CHRNA3: variants seen among roughly 807,000 people sequenced by gnomAD.
The protein encoded by CHRNA3 is cholinergic receptor nicotinic alpha 3 subunit, also known as neuronal acetylcholine receptor subunit alpha-3.
CHRNA3 carries 34 observed loss-of-function variants against 41.9 expected under a neutral mutation model. The ratio of observed to expected loss-of-function variants is 0.81; its 90% confidence interval spans 0.62 to 1.08. CHRNA3 has a LOEUF of 1.08. CHRNA3 is among the 50% of genes least tolerant of loss of function. The probability of loss-of-function intolerance (pLI) is 0.00; values close to 1 mark genes in which losing one functional copy is unlikely to be tolerated. For synonymous variants in CHRNA3, 281 were observed against 265.2 expected (o/e 1.06, Z -0.58); for missense variants, 542 against 638.3 (o/e 0.85, Z 1.63).
At chr15:78,601,162 T>C (rs1381564695) in intron 5 of CHRNA3, 91 bp downstream of exon 5, 2 of 1,351,914 alleles carry the variant, frequency 1.5e-6, no homozygotes, top group African/African-American at 2.9e-5. Context: ...GGCAATTTCT[T>C]AACCCCCTAC....
At chr15:78,615,668 C>T (rs8042494) in intron 4 of CHRNA3, among the ~76,000 whole-genome samples, 43,604 of 151,030 alleles carry the variant, frequency 0.29, 7,023 homozygotes, top group Admixed American at 0.47. Flanking sequence ...TTTTGGATAA[C>T]GTAATACATA....
chr15:78,619,294 G>A (rs758282209), intron 1 of CHRNA3: 2 of 241,258 alleles, frequency 8.3e-6, no homozygotes, highest in Admixed American at 1.0e-4. Flanking sequence ...CACCTCAAAG[G>A]GTTGTTGTGA....
intron 3 of CHRNA3, 78 bp downstream of exon 3, chr15:78,618,539 A>AG: frequency 6.5e-7 from 1 of 1,531,820 alleles, no homozygotes; most frequent in Non-Finnish European, 9.0e-7. Flanking sequence ...CCTGGTCTTT[A>AG]GGCCTTTCTT....
chr15:78,618,873 A>T lies in CHRNA3; in HGVS notation c.125T>A (p.Leu42Gln). 1 of 1,614,016 alleles carries T rather than the reference A, an allele frequency of 6.2e-7. No homozygotes were observed. The highest frequency in any genetic ancestry group is 8.5e-7 in the Non-Finnish European group (1 of 1,180,014). The stretch of plus-strand genomic sequence containing the variant: ...GATGATCTCATTGTAATCTTCAAAC[A>T]GCCGCTCAAATAGACGGTGCTCAGC... ...SEAEHRLFER[L>Q]FEDYNEIIRP... Residue 42 changes from leucine (L) to glutamine (Q), a missense_variant, in exon 2 of 6, where the codon CTG becomes CAG. Leu to Gln is a moderately radical substitution (Grantham distance 113). Transcript: ENST00000326828.
intron 4 of CHRNA3, among the ~76,000 whole-genome samples, chr15:78,609,652 A>G (rs1172983554): frequency 6.6e-6 from 1 of 152,242 alleles, no homozygotes; most frequent in Non-Finnish European, 1.5e-5. Flanking sequence ...CATCAAGGCT[A>G]GGAAGAAACT....
chr15:78,617,167 G>A (rs368426380), intron 3 of CHRNA3, 34 bp from the exon 4 acceptor site: 29 of 1,448,916 alleles, frequency 2.0e-5, no homozygotes, highest in Middle Eastern at 3.5e-4. Flanking sequence ...AGAAGGAGAC[G>A]GTAAAAGAAT....
chr15:78,594,878 G>A (rs934633362), downstream of CHRNA3: 24 of 152,186 alleles, frequency 1.6e-4, no homozygotes, highest in African/African-American at 3.4e-4. Context: ...CTAGTACAGC[G>A]TAAATGATTT....
chr15:78,613,280 T>C (rs575362462), intron 4 of CHRNA3, among the ~76,000 whole-genome samples: 5,147 of 152,092 alleles, frequency 0.034, 290 homozygotes, highest in African/African-American at 0.12. Flanking sequence ...CGTATGTTTA[T>C]TGCGGCATTA....
chr15:78,601,304 T>C lies in CHRNA3; in HGVS notation c.1338A>G (p.Gln446=), dbSNP rs753654483. The C allele has an allele frequency of 5.0e-6, 8 of 1,614,208 alleles. No individual in the cohort carries two copies. The highest frequency in any genetic ancestry group is 3.3e-5 in the Admixed American group (2 of 60,036). The part of the protein sequence containing the change: ...ALSPEIKEAI[Q]SVKYIAENMK... ...TATTTTCAGCAATATACTTGACACT[T>C]TGGATGGCTTCTTTGATTTCTGGTG... Residue 446 remains glutamine, a synonymous_variant, in exon 5 of 6, where the codon CAA becomes CAG. Coordinates refer to ENST00000326828, the MANE Select transcript of CHRNA3 (RefSeq NM_000743.5).
intron 4 of CHRNA3, among the ~76,000 whole-genome samples, chr15:78,612,254 G>A (rs1212561684): frequency 5.3e-5 from 8 of 150,522 alleles, no homozygotes; most frequent in African/African-American, 1.7e-4. Flanking sequence ...AGCCCGCATC[G>A]CCAAGTCAAT....
At position 78,620,707 on chromosome 15, in the gene CHRNA3, G is replaced by A. The variant is rs780262892; in HGVS notation, c.82+6C>T. ...CCCTCCGGAGCCCTAACGCCTGTGC[G>A]CGTACCTGGCAGCAGAGACAGCAGC... On this transcript the variant is annotated splice_donor_region_variant and intron_variant, in intron 1 of 5. Transcript: ENST00000326828. The A allele has an allele frequency of 4.0e-6, 6 of 1,502,296 alleles. No homozygotes were observed. Among genetic ancestry groups the A allele is most frequent in the South Asian group, 1.2e-5 (1 of 81,642 alleles). 93.1% of individuals were successfully genotyped at this position (1,502,296 alleles called of 1,614,324 possible). A position where few individuals can be genotyped will look rare whatever the true frequency, so the allele number is the denominator to read the frequency against.
rs188467132 is a variant in CHRNA3 at position 78,602,369 on chromosome 15, C to A, written c.378-105G>T. 199 of 1,277,832 alleles carry A rather than the reference C, an allele frequency of 1.6e-4. 1 individual carries two copies. The Middle Eastern group carries it at 2.4e-3, about 15-fold the overall frequency. The allele number at this position is 1,277,832 out of a possible 1,614,324, so 79.2% of individuals were successfully genotyped here. On this transcript the variant is annotated intron_variant, in intron 4 of 5. Coordinates refer to ENST00000326828, the MANE Select transcript of CHRNA3 (RefSeq NM_000743.5). ...ACAGTAAGTAATGATTTGGAAGGCA[C>A]TGGAAGATGAGAGCTAAAGTGCCAT...
At chr15:78,605,238 A>T (rs1217461429) in intron 4 of CHRNA3, among the ~76,000 whole-genome samples, 2 of 152,138 alleles carry the variant, frequency 1.3e-5, no homozygotes, top group African/African-American at 4.8e-5. Flanking sequence ...ATGGGTTTTT[A>T]AAATCTCTCT....
intron 4 of CHRNA3, among the ~76,000 whole-genome samples, chr15:78,605,340 G>A (rs558111436): frequency 4.5e-4 from 68 of 152,312 alleles, no homozygotes; most frequent in Non-Finnish European, 7.9e-4. Flanking sequence ...CAGCACCTCA[G>A]GATATGAGAG....
Position 78,601,738 on chromosome 15 carries a change from G to A in CHRNA3, c.904C>T (p.Pro302Ser). Reference sequence around the variant, plus strand: ...AACAGGAGGTACTCTCCAATCAGGGGGATGACCAGCGAGGTGGAAGGGATG... The same window carrying A: ...AACAGGAGGTACTCTCCAATCAGGGAGATGACCAGCGAGGTGGAAGGGATG... ...ETIPSTSLVI[P>S]LIGEYLLFTM... Residue 302 changes from proline (P) to serine (S), a missense_variant, in exon 5 of 6, where the codon CCC (proline) becomes TCC (serine). By Grantham distance (74) the Pro-to-Ser change is moderately conservative. Coordinates refer to ENST00000326828, the MANE Select transcript of CHRNA3 (RefSeq NM_000743.5). The A allele has an allele frequency of 6.2e-7, 1 of 1,614,154 alleles. No individual in the cohort carries two copies. The highest frequency in any genetic ancestry group is 8.5e-7 in the Non-Finnish European group (1 of 1,180,036).
In CHRNA3 at chr15:78,595,726, G is replaced by A. The variant is rs1197264329; in HGVS notation, c.*878C>T. ...AAATGTGTCCTCCCCCAATTCATAT[G>A]TTGAAACCTATTCCCAGCGTGATTG... On this transcript the variant is annotated 3_prime_UTR_variant, in exon 6 of 6. Coordinates refer to ENST00000326828, the MANE Select transcript of CHRNA3 (RefSeq NM_000743.5). 1 of 152,408 alleles carries A rather than the reference G, an allele frequency of 6.6e-6. No homozygotes were observed. The highest frequency in any genetic ancestry group is 1.5e-5 in the Non-Finnish European group (1 of 68,212). The allele number at this position is 152,408 out of a possible 1,614,324, so 9.4% of individuals were successfully genotyped here.
intron 4 of CHRNA3, among the ~76,000 whole-genome samples, chr15:78,607,216 T>G: frequency 1.1e-5 from 1 of 92,784 alleles, no homozygotes; most frequent in Non-Finnish European, 2.2e-5. Flanking sequence ...AGACTCTGTC[T>G]CCAAAAAAAA....
chr15:78,604,023 T>G (rs951231258), intron 4 of CHRNA3, among the ~76,000 whole-genome samples: 1 of 152,068 alleles, frequency 6.6e-6, no homozygotes, highest in African/African-American at 2.4e-5. Flanking sequence ...GGCAGAGGCC[T>G]CCTGAACCAA....
intron 4 of CHRNA3, among the ~76,000 whole-genome samples, chr15:78,614,098 A>G (rs1053247877): frequency 3.9e-5 from 6 of 152,108 alleles, no homozygotes; most frequent in African/African-American, 1.4e-4. Context: ...TCCTTATGAT[A>G]TTTGCTCCTC....
Sources: gnomAD v4.1 joint callset for allele counts (sites outside exome capture counted in the v4.1 genomes callset) on GRCh38, gnomAD v4.1.1 for gene constraint, MANE v1.5 for transcripts, NCBI Gene and HGNC (gene_info 2026-07-23, HGNC 2026-07-21) for gene names.